The following MGMT variants were observed in gnomAD, a reference collection of about 807,000 sequenced individuals.
MGMT encodes methylated-DNA--protein-cysteine methyltransferase.
MGMT carries 14 observed loss-of-function variants against 15.9 expected under a neutral mutation model. The observed-to-expected ratio is 0.88, with a 90% CI of 0.58 to 1.37. The LOEUF is 1.37. Among genes scored for constraint, MGMT ranks in the 40% most tolerant of loss-of-function variants. MGMT has a pLI of 0.00. For missense variants in MGMT, 282 were observed against 268.1 expected, an observed-to-expected ratio of 1.05 and a Z score of -0.36; for synonymous variants, 130 against 118.2, an observed-to-expected ratio of 1.10 and a Z score of -0.65.
chr10:129,486,730 C>T (rs992718343), intron 1 of MGMT, among the ~76,000 whole-genome samples: 14 of 152,196 alleles, frequency 9.2e-5, no homozygotes, highest in Non-Finnish European at 1.5e-4. Flanking sequence ...AAACAAAGGG[C>T]GTCTTTGATT....
intron 2 of MGMT, among the ~76,000 whole-genome samples, chr10:129,643,021 A>C (rs773739815): frequency 5.9e-5 from 9 of 152,214 alleles, no homozygotes; most frequent in Non-Finnish European, 1.0e-4. Context: ...GGGCGAGCGA[A>C]TGTGTAGTGG....
intron 2 of MGMT, among the ~76,000 whole-genome samples, chr10:129,658,644 C>G (rs919291901): frequency 2.0e-5 from 3 of 152,182 alleles, no homozygotes; most frequent in Non-Finnish European, 2.9e-5. Context: ...TCCTGGAGTT[C>G]TGCAGTGATT....
At chr10:129,607,013 A>G (rs144422301) in intron 2 of MGMT, among the ~76,000 whole-genome samples, 239 of 152,332 alleles carry the variant, frequency 1.6e-3, no homozygotes, top group African/African-American at 5.5e-3. Context: ...CTGCAAATTT[A>G]TAGGACAACT....
intron 2 of MGMT, among the ~76,000 whole-genome samples, chr10:129,617,338 C>A (rs1024407495): frequency 3.3e-5 from 5 of 152,090 alleles, no homozygotes. Flanking sequence ...TATTGATGGG[C>A]CTTTAGGTTT....
chr10:129,765,819 G>A (rs893206204), intron 4 of MGMT, among the ~76,000 whole-genome samples: 1 of 152,180 alleles, frequency 6.6e-6, no homozygotes, highest in Non-Finnish European at 1.5e-5. Context: ...CCTTGTGGGT[G>A]TGAGAGTGGA....
intron 1 of MGMT, among the ~76,000 whole-genome samples, chr10:129,526,362 T>C (rs1233106814): frequency 6.6e-6 from 1 of 152,186 alleles, no homozygotes; most frequent in Non-Finnish European, 1.5e-5. Flanking sequence ...CATCTTGTGA[T>C]GTCTTTGTGG....
At chr10:129,511,602 G>C (rs926562122) in intron 1 of MGMT, among the ~76,000 whole-genome samples, 1 of 152,218 alleles carries the variant, frequency 6.6e-6, no homozygotes, top group Non-Finnish European at 1.5e-5. Context: ...CAAGGTTCTG[G>C]GTTGTGTGTT....
chr10:129,586,066 G>T (rs1051541336), intron 2 of MGMT, among the ~76,000 whole-genome samples: 1 of 152,156 alleles, frequency 6.6e-6, no homozygotes, highest in Non-Finnish European at 1.5e-5. Context: ...CGTGTCTCAG[G>T]TGGGATGGGG....
intron 1 of MGMT, among the ~76,000 whole-genome samples, chr10:129,487,955 AC>A: frequency 7.4e-6 from 1 of 135,250 alleles, no homozygotes; most frequent in African/African-American, 3.5e-5. Flanking sequence ...ACACACACAA[AC>A]ACACATAGGT....
At chr10:129,604,302 G>A (rs1431040715) in intron 2 of MGMT, among the ~76,000 whole-genome samples, 1 of 152,158 alleles carries the variant, frequency 6.6e-6, no homozygotes, top group African/African-American at 2.4e-5. Context: ...GCACCAGAGA[G>A]CCTAGCACTT....
intron 3 of MGMT, among the ~76,000 whole-genome samples, chr10:129,728,809 T>A (rs1056562703): frequency 6.6e-6 from 1 of 151,172 alleles, no homozygotes; most frequent in African/African-American, 2.4e-5. Context: ...CCAGCCCCAA[T>A]GCCCCCGCCT....
intron 2 of MGMT, among the ~76,000 whole-genome samples, chr10:129,651,736 T>C (rs1359945946): frequency 6.6e-6 from 1 of 152,200 alleles, no homozygotes; most frequent in East Asian, 1.9e-4. Flanking sequence ...TTTCATTTCG[T>C]ATTTGGTTTG....
At chr10:129,656,118 G>C (rs548574513) in intron 2 of MGMT, among the ~76,000 whole-genome samples, 13 of 152,332 alleles carry the variant, frequency 8.5e-5, no homozygotes, top group Non-Finnish European at 1.8e-4. Flanking sequence ...AGGCCAAGGA[G>C]AGGTGAGGTA....
At chr10:129,468,345 C>A (rs139631537) in intron 1 of MGMT, among the ~76,000 whole-genome samples, 1 of 152,130 alleles carries the variant, frequency 6.6e-6, no homozygotes, top group African/African-American at 2.4e-5. Flanking sequence ...CGTCAAGAGC[C>A]TGGCTGATTG....
At chr10:129,672,865 G>A (rs1209619934) in intron 2 of MGMT, among the ~76,000 whole-genome samples, 1 of 151,792 alleles carries the variant, frequency 6.6e-6, no homozygotes, top group Non-Finnish European at 1.5e-5. Flanking sequence ...TTTTTATTTT[G>A]TGCCATATTA....
chr10:129,722,318 A>G (rs1419482209), intron 3 of MGMT, among the ~76,000 whole-genome samples: 1 of 152,206 alleles, frequency 6.6e-6, no homozygotes, highest in African/African-American at 2.4e-5. Flanking sequence ...AAAGATTATT[A>G]TTTAAAGATA....
chr10:129,593,830 G>A (rs925425304), intron 2 of MGMT, among the ~76,000 whole-genome samples: 1 of 152,306 alleles, frequency 6.6e-6, no homozygotes, highest in East Asian at 1.9e-4. Context: ...GCAGTGAGGC[G>A]AACAGTGCTC....
intron 4 of MGMT, among the ~76,000 whole-genome samples, chr10:129,763,001 G>GA (rs1848892585): frequency 6.6e-6 from 1 of 152,130 alleles, no homozygotes; most frequent in South Asian, 2.1e-4. Context: ...GGCGAAGTTG[G>GA]AAAAAATATT....
In MGMT at chr10:129,487,996, CATAGGTAT is replaced by C. The variant is rs1237420878; in HGVS notation, c.-13+20702_-13+20709del. Among the ~76,000 whole-genome samples the C allele has an allele frequency of 5.8e-3, 661 of 114,728 alleles. 15 individuals carry two copies. The East Asian group carries it at 0.11, about 19-fold the overall frequency. 75.3% of individuals were successfully genotyped at this position (114,728 alleles called of 152,430 possible). The stretch of plus-strand genomic sequence containing the variant: ...ACGCAGGTATACACACACACACACA[CATAGGTAT>C]ACACACACACACACACACACACACA... On this transcript the variant is annotated intron_variant, in intron 1 of 4. Transcript: ENST00000651593.
Sources: allele counts gnomAD v4.1 joint callset (sites outside exome capture counted in the v4.1 genomes callset), GRCh38; gene constraint gnomAD v4.1.1; transcripts MANE v1.5; gene names NCBI Gene and HGNC (gene_info 2026-07-23, HGNC 2026-07-21).